Variants in NELL1 observed in about 807,000 individuals in gnomAD.
NELL1 encodes the protein protein kinase C-binding protein NELL1.
A neutral mutation model predicts 107.4 loss-of-function variants in NELL1; 76 were observed. The observed-to-expected ratio is 0.71, with a 90% CI of 0.59 to 0.86. The LOEUF (loss-of-function observed/expected upper bound fraction) is 0.86, where lower values mean the gene tolerates loss of function less well. Ranked by LOEUF, NELL1 falls within the 40% of genes least tolerant of loss-of-function variation. The pLI is 0.00. For missense variants in NELL1, 1,024 were observed against 1,005.5 expected (o/e 1.02, Z -0.25); for synonymous variants, 353 against 341.2 (o/e 1.03, Z -0.38).
chr11:21,484,035 C>T (rs1296478075), intron 15 of NELL1, among the ~76,000 whole-genome samples: 20 of 82,518 alleles, frequency 2.4e-4, no homozygotes, highest in Non-Finnish European at 4.4e-4. Flanking sequence ...ATATATATGT[C>T]AAATGTGACC....
At chr11:21,306,577 A>G (rs1849609615) in intron 14 of NELL1, among the ~76,000 whole-genome samples, 1 of 152,022 alleles carries the variant, frequency 6.6e-6, no homozygotes, top group African/African-American at 2.4e-5. Context: ...TCTGAGAGCA[A>G]TTATCCCTTT....
intron 14 of NELL1, among the ~76,000 whole-genome samples, chr11:21,348,720 C>A (rs1850738441): frequency 6.6e-6 from 1 of 152,080 alleles, no homozygotes; most frequent in South Asian, 2.1e-4. Context: ...CAAAAAATGA[C>A]TTATTTTATC....
At chr11:21,266,314 A>C (rs996490083) in intron 14 of NELL1, among the ~76,000 whole-genome samples, 3 of 151,982 alleles carry the variant, frequency 2.0e-5, no homozygotes, top group Middle Eastern at 6.8e-3. Context: ...CTGTCCATCA[A>C]TCATCTATCT....
chr11:20,975,837 A>AT (rs1445755284), intron 12 of NELL1, among the ~76,000 whole-genome samples: 1 of 128,108 alleles, frequency 7.8e-6, no homozygotes, highest in African/African-American at 3.0e-5. Flanking sequence ...ATATGTACAT[A>AT]TGTGTATTAT....
In NELL1 at chr11:21,560,373, C is replaced by A. The variant is rs2134001243; in HGVS notation, c.1971C>A (p.Cys657Ter). 1 of 1,579,462 alleles carries A rather than the reference C, an allele frequency of 6.3e-7. No individual in the cohort carries two copies. Among genetic ancestry groups the A allele is most frequent in the South Asian group, 1.2e-5 (1 of 85,318 alleles). The stretch of plus-strand genomic sequence containing the variant: ...TGAAAGAAGACAGGTGTTCTGTCTG[C>A]TCCTGCAAGGTGAGGCTGATGTGGT... The part of the protein sequence containing the change: ...WTLKEDRCSV[C>*]SCKDGKIFCR... Residue 657 changes from cysteine (C) to a stop codon, truncating the protein, a stop_gained, in exon 17 of 20, where the codon TGC becomes TGA. Transcript: ENST00000357134. LOFTEE classifies it high-confidence loss of function.
chr11:20,724,836 A>T (rs1398800703), intron 2 of NELL1, among the ~76,000 whole-genome samples: 1 of 152,198 alleles, frequency 6.6e-6, no homozygotes, highest in Non-Finnish European at 1.5e-5. Flanking sequence ...GTCCATTCTT[A>T]CACTGTTACA....
At chr11:20,955,626 A>C (rs954640045) in intron 11 of NELL1, among the ~76,000 whole-genome samples, 15 of 152,220 alleles carry the variant, frequency 9.9e-5, no homozygotes, top group African/African-American at 3.6e-4. Flanking sequence ...AACAGGTATA[A>C]GGAACTGTTT....
intron 15 of NELL1, among the ~76,000 whole-genome samples, chr11:21,455,363 T>C (rs10766811): frequency 0.74 from 101,806 of 136,984 alleles, 39,965 homozygotes; most frequent in South Asian, 0.9. Flanking sequence ...GACACGGCCT[T>C]ACCTGTCATC....
intron 12 of NELL1, among the ~76,000 whole-genome samples, chr11:20,995,138 C>T (rs557164138): frequency 1.3e-4 from 20 of 150,470 alleles, no homozygotes; most frequent in African/African-American, 4.9e-4. Context: ...TTTTTTTTTA[C>T]TCCTAATTGC....
At chr11:21,520,085 G>T (rs1284777890) in intron 15 of NELL1, among the ~76,000 whole-genome samples, 1 of 152,128 alleles carries the variant, frequency 6.6e-6, no homozygotes, top group Non-Finnish European at 1.5e-5. Flanking sequence ...GCATTCCAAA[G>T]GAAAACACAC....
chr11:21,234,978 C>T (rs1858167711), intron 14 of NELL1, among the ~76,000 whole-genome samples: 1 of 152,030 alleles, frequency 6.6e-6, no homozygotes. Context: ...GGATAATAAA[C>T]TTTATAAACT....
chr11:21,236,567 T>G (rs548631379), intron 14 of NELL1, among the ~76,000 whole-genome samples: 1 of 152,330 alleles, frequency 6.6e-6, no homozygotes, highest in Non-Finnish European at 1.5e-5. Flanking sequence ...TATTCTATTT[T>G]ATGTTTAATG....
intron 14 of NELL1, among the ~76,000 whole-genome samples, chr11:21,342,264 C>G (rs978525176): frequency 3.3e-5 from 5 of 152,146 alleles, no homozygotes; most frequent in African/African-American, 1.2e-4. Context: ...CTACTAAGCA[C>G]TTTACATAAT....
At chr11:20,752,204 C>T (rs1163775436) in intron 2 of NELL1, among the ~76,000 whole-genome samples, 2 of 151,758 alleles carry the variant, frequency 1.3e-5, no homozygotes, top group African/African-American at 2.4e-5. Context: ...TTGTAGATGC[C>T]CTGTATCAGA....
chr11:21,060,575 A>G (rs969154869), intron 12 of NELL1, among the ~76,000 whole-genome samples: 2 of 152,228 alleles, frequency 1.3e-5, no homozygotes, highest in African/African-American at 4.8e-5. Context: ...TATGTAGCAA[A>G]TAATGAGCCA....
chr11:20,755,558 T>TTTTTTTTTTTTTTTTTA (rs1267991719), intron 2 of NELL1, among the ~76,000 whole-genome samples: 3 of 16,432 alleles, frequency 1.8e-4, no homozygotes, highest in Admixed American at 9.1e-4. Context: ...TTGTTTTTGT[T>TTTTTTTTTTTTTTTTTA]TTTGTTTTTT....
intron 14 of NELL1, among the ~76,000 whole-genome samples, chr11:21,345,676 C>A (rs908089591): frequency 1.3e-5 from 2 of 152,312 alleles, no homozygotes; most frequent in Admixed American, 1.3e-4. Context: ...ATAACCTCTG[C>A]AGTAGCACGA....
At chr11:21,450,857 T>C (rs947276143) in intron 15 of NELL1, among the ~76,000 whole-genome samples, 4 of 152,116 alleles carry the variant, frequency 2.6e-5, no homozygotes, top group Non-Finnish European at 5.9e-5. Context: ...CTGAAATGCA[T>C]ACATTTTATT....
chr11:20,957,793 C>T (rs1851207692), intron 11 of NELL1, among the ~76,000 whole-genome samples: 1 of 152,008 alleles, frequency 6.6e-6, no homozygotes, highest in Admixed American at 6.5e-5. Context: ...GAGAATATAA[C>T]ACACCTCAAG....
Sources: allele counts gnomAD v4.1 joint callset (sites outside exome capture counted in the v4.1 genomes callset), GRCh38; gene constraint gnomAD v4.1.1; transcripts MANE v1.5; gene names NCBI Gene and HGNC (gene_info 2026-07-23, HGNC 2026-07-21).